Variants in FBXO11 observed in about 807,000 individuals in gnomAD.
FBXO11 encodes F-box protein 11, also known as F-box only protein 11.
In FBXO11, 13 loss-of-function variants were observed where a neutral mutation model predicts 117.0. The ratio of observed to expected loss-of-function variants is 0.11; its 90% CI spans 0.07 to 0.18. The LOEUF is 0.18. Among genes scored for constraint, FBXO11 ranks in the 10% least tolerant of loss-of-function variants. The probability of loss-of-function intolerance (pLI) is 1.00; values close to 1 mark genes in which losing one functional copy is unlikely to be tolerated. For missense variants in FBXO11, 767 were observed against 1,164.4 expected, an observed-to-expected ratio of 0.66 and a Z score of 4.97; for synonymous variants, 490 against 380.5, an observed-to-expected ratio of 1.29 and a Z score of -3.35.
chr2:47,839,087 G>T, intron 3 of FBXO11, 84 bp from the exon 4 acceptor site: 4 of 1,381,482 alleles, frequency 2.9e-6, no homozygotes, highest in South Asian at 1.5e-5. Context: ...TTTATCTAAT[G>T]AATAGCTTTT....
chr2:47,890,871 G>C (rs1299711076), intron 1 of FBXO11, among the ~76,000 whole-genome samples: 5 of 152,102 alleles, frequency 3.3e-5, no homozygotes, highest in East Asian at 1.9e-4. Flanking sequence ...ACGCTGGAAT[G>C]CAGTGGTGCA....
intron 1 of FBXO11, among the ~76,000 whole-genome samples, chr2:47,859,071 A>G (rs1674550603): frequency 6.6e-6 from 1 of 151,724 alleles, no homozygotes. Flanking sequence ...AAAGAAAAGA[A>G]AAGAAAAAGT....
At chr2:47,810,511 TTTC>T (rs1451500034) in intron 18 of FBXO11, 85 bp from the exon 19 acceptor site, 8 of 774,626 alleles carry the variant, frequency 1.0e-5, no homozygotes, top group Middle Eastern at 3.7e-4. Flanking sequence ...TTGCTTTTAG[TTTC>T]TTATTTAACT....
At chr2:47,846,068 A>G (rs1673382914) in intron 1 of FBXO11, among the ~76,000 whole-genome samples, 1 of 152,242 alleles carries the variant, frequency 6.6e-6, no homozygotes, top group South Asian at 2.1e-4. Context: ...AAAAATGAAT[A>G]AAGCCAACGA....
At chr2:47,817,081 T>C (rs1331888103) in intron 16 of FBXO11, among the ~76,000 whole-genome samples, 6 of 152,280 alleles carry the variant, frequency 3.9e-5, no homozygotes, top group Admixed American at 6.5e-5. Context: ...CACTGAAATC[T>C]GTTTAGTGTA....
At chr2:47,852,348 G>C (rs1193953295) in intron 1 of FBXO11, among the ~76,000 whole-genome samples, 4 of 152,162 alleles carry the variant, frequency 2.6e-5, no homozygotes, top group Admixed American at 2.6e-4. Flanking sequence ...AAAGGATGGA[G>C]AGGGGGCTCA....
At chr2:47,900,003 AG>A (rs1189560537) in intron 1 of FBXO11, among the ~76,000 whole-genome samples, 7 of 152,152 alleles carry the variant, frequency 4.6e-5, no homozygotes, top group Non-Finnish European at 1.0e-4. Flanking sequence ...CTAACAGATC[AG>A]GAACTACTTG....
chr2:47,900,323 G>A (rs1002214036), intron 1 of FBXO11, among the ~76,000 whole-genome samples: 1 of 152,034 alleles, frequency 6.6e-6, no homozygotes, highest in African/African-American at 2.4e-5. Context: ...TGACAGAGTA[G>A]TACCCCACAG....
chr2:47,824,620 T>C (rs1019398247), intron 11 of FBXO11, among the ~76,000 whole-genome samples: 1 of 152,218 alleles, frequency 6.6e-6, no homozygotes, highest in South Asian at 2.1e-4. Context: ...ATCCTACACA[T>C]GTTAAATGAA....
At position 47,813,482 on chromosome 2, in the gene FBXO11, T is replaced by C. The variant is rs376402844; in HGVS notation, c.2084-105A>G. On this transcript the variant is annotated intron_variant, in intron 17 of 22. Transcript: ENST00000403359. ...GTCTCGCTCTGTTGCCAGGCTGGAG[T>C]GTGCAGTGGCGCGATCTTGGCTCAC... 6 of 758,554 alleles carry C rather than the reference T, an allele frequency of 7.9e-6. No individual in the cohort carries two copies. The African/African-American group carries it at 1.3e-4, about 16-fold the overall frequency. The allele number at this position is 758,554 out of a possible 1,614,324, so 47.0% of individuals were successfully genotyped here. A position where few individuals can be genotyped will look rare whatever the true frequency, so the allele number is the denominator to read the frequency against.
At chr2:47,854,472 G>A (rs1674112285) in intron 1 of FBXO11, among the ~76,000 whole-genome samples, 2 of 151,374 alleles carry the variant, frequency 1.3e-5, no homozygotes, top group Non-Finnish European at 3.0e-5. Context: ...AGAAAACTAT[G>A]AATACTGGGG....
At chr2:47,882,929 G>GT (rs1345525379) in intron 1 of FBXO11, among the ~76,000 whole-genome samples, 1 of 152,150 alleles carries the variant, frequency 6.6e-6, no homozygotes, top group Non-Finnish European at 1.5e-5. Context: ...GATTACAGGC[G>GT]TGAGTCCCCA....
At chr2:47,861,056 G>A (rs185176102) in intron 1 of FBXO11, among the ~76,000 whole-genome samples, 1 of 151,034 alleles carries the variant, frequency 6.6e-6, no homozygotes, top group Non-Finnish European at 1.5e-5. Context: ...CTCCATGTTG[G>A]TTAGGCTGGT....
Position 47,904,651 on chromosome 2 carries a change from A to C in FBXO11, c.232+838T>G, listed in dbSNP as rs1053753195. Among the ~76,000 whole-genome samples, 11 of 151,684 alleles carry C rather than the reference A, an allele frequency of 7.3e-5. 1 individual carries two copies. In the South Asian group the frequency reaches 1.9e-3, roughly 26 times the overall value. The stretch of plus-strand genomic sequence containing the variant: ...TATCCCAAGGGGCCAGTTCTAAGCA[A>C]GGGGCGTTCAAACCCCACTAGGAGA... On this transcript the variant is annotated intron_variant, in intron 1 of 22. Coordinates refer to ENST00000403359, the MANE Select transcript of FBXO11 (RefSeq NM_001190274.2).
At chr2:47,904,742 G>A (rs919598558) in intron 1 of FBXO11, among the ~76,000 whole-genome samples, 1 of 152,138 alleles carries the variant, frequency 6.6e-6, no homozygotes, top group African/African-American at 2.4e-5. Flanking sequence ...TCGATAGAGC[G>A]GAAGGGTAAC....
At chr2:47,813,019 C>G (rs1420484184) in intron 18 of FBXO11, 1 of 559,618 alleles carries the variant, frequency 1.8e-6, no homozygotes, top group Non-Finnish European at 3.2e-6. Context: ...GGCTTACTGA[C>G]AACTGCAGAC....
intron 1 of FBXO11, among the ~76,000 whole-genome samples, chr2:47,892,285 C>T (rs1421707990): frequency 6.6e-6 from 1 of 152,170 alleles, no homozygotes; most frequent in Non-Finnish European, 1.5e-5. Context: ...AACTCGCCAC[C>T]ACCATCTCAA....
At chr2:47,864,431 T>C (rs1350665289) in intron 1 of FBXO11, among the ~76,000 whole-genome samples, 1 of 151,940 alleles carries the variant, frequency 6.6e-6, no homozygotes, top group Non-Finnish European at 1.5e-5. Flanking sequence ...CTACTAAAAA[T>C]ACAAAATTAG....
intron 4 of FBXO11, among the ~76,000 whole-genome samples, chr2:47,838,355 A>G (rs1455736104): frequency 1.3e-5 from 2 of 152,106 alleles, no homozygotes; most frequent in Non-Finnish European, 2.9e-5. Flanking sequence ...TAGATTATTT[A>G]TAATTTTTCT....
Sources: allele counts gnomAD v4.1 joint callset (sites outside exome capture counted in the v4.1 genomes callset), GRCh38; gene constraint gnomAD v4.1.1; transcripts MANE v1.5; gene names NCBI Gene and HGNC (gene_info 2026-07-23, HGNC 2026-07-21).